Variants in DRG1 observed in about 807,000 individuals in gnomAD.
The protein encoded by DRG1 is developmentally-regulated GTP-binding protein 1.
DRG1 carries 19 observed loss-of-function variants against 38.8 expected under a neutral mutation model. The ratio of observed to expected loss-of-function variants is 0.49; its 90% CI spans 0.34 to 0.72. The LOEUF is 0.72. DRG1 is among the 30% of genes least tolerant of loss of function. The probability of loss-of-function intolerance (pLI) is 0.01; values close to 1 mark genes in which losing one functional copy is unlikely to be tolerated. For missense variants in DRG1, 299 were observed against 444.8 expected (o/e 0.67, Z 2.95); for synonymous variants, 167 against 157.5 (o/e 1.06, Z -0.45).
At chr22:31,424,981 T>G (rs529152709) in intron 6 of DRG1, among the ~76,000 whole-genome samples, 130 of 151,744 alleles carry the variant, frequency 8.6e-4, no homozygotes, top group South Asian at 3.1e-3. Flanking sequence ...TTTTGTATTT[T>G]TAGTAGAGAC....
Position 31,420,359 on chromosome 22 carries a change from G to C in DRG1, c.516G>C (p.Leu172Phe). 1.2e-6 allele frequency: 2 copies of C among 1,614,158 alleles called. No homozygotes were observed. Among genetic ancestry groups the C allele is most frequent in the Non-Finnish European group, 1.7e-6 (2 of 1,180,038 alleles). The change falls in exon 5 of 9, where the codon TTG becomes TTC. Residue 172 changes from leucine to phenylalanine, a missense_variant. Around this residue, in one of 3 missense-constraint regions of DRG1, gnomAD observed 198 missense variants for 268.1 expected, o/e 0.74. Coordinates refer to ENST00000331457, the MANE Select transcript of DRG1 (RefSeq NM_004147.4). ...AGCTGGAAGGCTTTGGCATTCGCTT[G>C]AACAGCAAACCCCCCAACATTGGCT... ...ENELEGFGIR[L>F]NSKPPNIGFK... is the part of the protein sequence containing the mutation.
chr22:31,403,005 T>C, intron 2 of DRG1, 24 bp from the exon 3 acceptor site: 1 of 1,599,088 alleles, frequency 6.3e-7, no homozygotes, highest in Non-Finnish European at 8.5e-7. Flanking sequence ...ACTCTCCTCT[T>C]TTTGGTATTC....
intron 8 of DRG1, among the ~76,000 whole-genome samples, chr22:31,432,849 G>A (rs1305333987): frequency 6.6e-6 from 1 of 152,068 alleles, no homozygotes; most frequent in East Asian, 1.9e-4. Context: ...ATGAGCCACC[G>A]TGCCCGGCCT....
chr22:31,416,078 G>C (rs1189505058), intron 4 of DRG1, among the ~76,000 whole-genome samples: 2 of 152,086 alleles, frequency 1.3e-5, no homozygotes, highest in Admixed American at 1.3e-4. Context: ...CAGCACAGAG[G>C]CAGGCAGATC....
chr22:31,417,241 G>A (rs1338919857), intron 4 of DRG1, among the ~76,000 whole-genome samples: 1 of 150,412 alleles, frequency 6.6e-6, no homozygotes, highest in African/African-American at 2.5e-5. Context: ...GTGGTGGTGC[G>A]CGCCTGTAGT....
chr22:31,416,924 A>C (rs1216702755), intron 4 of DRG1, among the ~76,000 whole-genome samples: 2 of 148,098 alleles, frequency 1.4e-5, no homozygotes, highest in Non-Finnish European at 3.0e-5. Context: ...AAATAGCTGG[A>C]TGTGGTGGTA....
intron 3 of DRG1, among the ~76,000 whole-genome samples, chr22:31,406,825 T>TAA (rs1158516438): frequency 1.3e-5 from 2 of 152,190 alleles, no homozygotes; most frequent in African/African-American, 4.8e-5. Flanking sequence ...CTATAGATCT[T>TAA]ATTTTAATTT....
intron 3 of DRG1, among the ~76,000 whole-genome samples, chr22:31,408,336 G>A (rs1417932506): frequency 1.4e-5 from 2 of 147,622 alleles, no homozygotes; most frequent in African/African-American, 5.0e-5. Flanking sequence ...TAGAGACAGG[G>A]TTTCACCATG....
chr22:31,399,619 C>CA lies in DRG1; in HGVS notation c.-65_-64insA. The CA allele has an allele frequency of 6.2e-7, 1 of 1,607,570 alleles. No homozygotes were observed. Among genetic ancestry groups the CA allele is most frequent in the Non-Finnish European group, 8.5e-7 (1 of 1,174,010 alleles). ...TGCGTGCTGCAGTAGCGCCTGGTGG[C>CA]GGTGGCAGTTTGCCCGCGGGTGTGT... On this transcript the variant is annotated 5_prime_UTR_variant, in exon 1 of 9. Transcript: ENST00000331457.
At chr22:31,401,531 G>A (rs2049960748) in intron 2 of DRG1, among the ~76,000 whole-genome samples, 1 of 148,518 alleles carries the variant, frequency 6.7e-6, no homozygotes, top group Non-Finnish European at 1.5e-5. Flanking sequence ...GTAGCAGTGA[G>A]TGAGATTGTA....
intron 5 of DRG1, among the ~76,000 whole-genome samples, chr22:31,420,702 G>A (rs1171944872): frequency 1.3e-5 from 2 of 152,140 alleles, no homozygotes; most frequent in African/African-American, 2.4e-5. Flanking sequence ...GTAGATGGCC[G>A]CCAATATCTT....
rs1364154348 is a variant in DRG1, at chr22:31,426,706, C to T, written c.805C>T (p.Pro269Ser). Residue 269 changes from proline to serine, a missense_variant, in exon 7 of 9, where the codon CCC (proline) becomes TCC (serine). Pro to Ser is a moderately conservative substitution (Grantham distance 74). Coordinates refer to ENST00000331457, the MANE Select transcript of DRG1 (RefSeq NM_004147.4). ...CATCTATAAGGTGCCTCACTGTGTA[C>T]CCATCTCTGCCCATCACCGCTGGAA... ...DIIYKVPHCV[P>S]ISAHHRWNFD... 6.2e-7 allele frequency: 1 copy of T among 1,614,004 alleles called. No homozygotes were observed. The highest frequency in any genetic ancestry group is 1.3e-5 in the African/African-American group (1 of 74,900).
intron 8 of DRG1, among the ~76,000 whole-genome samples, chr22:31,428,420 A>G (rs537144740): frequency 1.3e-5 from 2 of 151,772 alleles, no homozygotes; most frequent in East Asian, 2.0e-4. Context: ...TCACCGTGTT[A>G]GCCAGGATGG....
intron 6 of DRG1, 21 bp from the exon 7 acceptor site, chr22:31,426,594 G>A (rs1193810001): frequency 6.3e-7 from 1 of 1,598,836 alleles, no homozygotes; most frequent in African/African-American, 1.3e-5. Context: ...CTAATACCCT[G>A]TTTTTCTTCA....
intron 1 of DRG1, 95 bp downstream of exon 1, chr22:31,399,820 G>A: frequency 1.9e-6 from 3 of 1,579,574 alleles, no homozygotes; most frequent in African/African-American, 2.7e-5. Context: ...CGTCAGGACC[G>A]GGCCTAGATT....
intron 3 of DRG1, among the ~76,000 whole-genome samples, chr22:31,405,840 C>G (rs1234042821): frequency 6.6e-6 from 1 of 151,988 alleles, no homozygotes; most frequent in Non-Finnish European, 1.5e-5. Flanking sequence ...AGGTGCCCAC[C>G]ACTATGCCCA....
chr22:31,400,044 T>G (rs1303544809), intron 1 of DRG1, among the ~76,000 whole-genome samples: 1 of 152,034 alleles, frequency 6.6e-6, no homozygotes, highest in Non-Finnish European at 1.5e-5. Flanking sequence ...GTTGTTTCTT[T>G]CCGTTTTGCT....
At chr22:31,405,844 A>C (rs1316850682) in intron 3 of DRG1, among the ~76,000 whole-genome samples, 2 of 151,810 alleles carry the variant, frequency 1.3e-5, no homozygotes, top group Non-Finnish European at 2.9e-5. Flanking sequence ...GCCCACCACT[A>C]TGCCCAGCTA....
intron 8 of DRG1, among the ~76,000 whole-genome samples, chr22:31,429,855 G>T (rs1368416204): frequency 3.3e-5 from 5 of 152,068 alleles, no homozygotes; most frequent in Non-Finnish European, 7.4e-5. Context: ...GACTTGTGTT[G>T]CCCAGACTGG....
Sources: allele counts gnomAD v4.1 joint callset (sites outside exome capture counted in the v4.1 genomes callset), GRCh38; gene constraint gnomAD v4.1.1; regional missense constraint gnomAD v4.1.1; transcripts MANE v1.5; gene names NCBI Gene and HGNC (gene_info 2026-07-23, HGNC 2026-07-21).